POLK: variants seen among roughly 807,000 people sequenced by gnomAD.
POLK encodes the protein DNA polymerase kappa.
Under a neutral mutation model 94.0 loss-of-function variants are expected in POLK, and 76 were observed. The ratio of observed to expected loss-of-function variants is 0.81; its 90% CI spans 0.67 to 0.98. The LOEUF is 0.98. Ranked by LOEUF, POLK falls within the 50% of genes least tolerant of loss-of-function variation. The pLI is 0.00. For synonymous variants in POLK, 349 were observed against 325.4 expected, an observed-to-expected ratio of 1.07 and a Z score of -0.78; for missense variants, 954 against 1,010.1, an observed-to-expected ratio of 0.94 and a Z score of 0.75.
At chr5:75,525,827 T>C (rs572913670) in intron 1 of POLK, among the ~76,000 whole-genome samples, 1 of 152,306 alleles carries the variant, frequency 6.6e-6, no homozygotes, top group African/African-American at 2.4e-5. Context: ...AAAACTGGCA[T>C]CTTAGGTGTA....
At chr5:75,528,777 C>T (rs186224443) in intron 1 of POLK, among the ~76,000 whole-genome samples, 12 of 152,324 alleles carry the variant, frequency 7.9e-5, no homozygotes, top group African/African-American at 2.6e-4. Context: ...TGCTGCCGCA[C>T]TCCAACCTGG....
intron 3 of POLK, among the ~76,000 whole-genome samples, chr5:75,561,333 G>A (rs1422960480): frequency 6.6e-6 from 1 of 152,068 alleles, no homozygotes; most frequent in Non-Finnish European, 1.5e-5. Context: ...CATATCCTTT[G>A]CCTGCTTTTT....
rs148759633 is a variant in POLK, at chr5:75,557,894, A to G, written c.255+5303A>G. The stretch of plus-strand genomic sequence containing the variant: ...ATCTTCCTCTTCCTGGGTTCAAGCA[A>G]TTCTCCTGCCTCCACTTCCTGGTAG... On this transcript the variant is annotated intron_variant, in intron 3 of 14. Coordinates refer to ENST00000241436, the Ensembl canonical transcript of POLK. Among the ~76,000 whole-genome samples, 4 of 152,228 alleles carry G rather than the reference A, an allele frequency of 2.6e-5. No homozygotes were observed. In the East Asian group the frequency reaches 5.8e-4, roughly 22 times the overall value.
At position 75,518,532 on chromosome 5, in the gene POLK, G is replaced by A. The variant is rs185085068; in HGVS notation, c.-14+6618G>A. ...TATTTGAATTTTCTTTCTTTTATTTGTCTAAAGTTTTGTCAATTTCATCTA... is the reference window on the plus strand; with the variant it reads ...TATTTGAATTTTCTTTCTTTTATTTATCTAAAGTTTTGTCAATTTCATCTA... On this transcript the variant is annotated intron_variant, in intron 1 of 14. Coordinates refer to ENST00000241436, the Ensembl canonical transcript of POLK. Among the ~76,000 whole-genome samples, 152 of 151,432 alleles carry A rather than the reference G, an allele frequency of 1.0e-3. 1 individual carries two copies. The highest frequency in any genetic ancestry group is 7.4e-3 in the Admixed American group (113 of 15,202).
chr5:75,511,280 G>C, upstream of POLK: 1 of 1,581,210 alleles, frequency 6.3e-7, no homozygotes, highest in Non-Finnish European at 8.6e-7. Context: ...CCAGTCCTCG[G>C]GGTGAAGGGT....
intron 12 of POLK, among the ~76,000 whole-genome samples, chr5:75,594,822 A>G (rs1772980152): frequency 6.6e-6 from 1 of 152,212 alleles, no homozygotes. Flanking sequence ...CATGTTTCCA[A>G]AGTGTACTGG....
At chr5:75,579,831 G>A (rs1772107025) in intron 6 of POLK, among the ~76,000 whole-genome samples, 1 of 151,778 alleles carries the variant, frequency 6.6e-6, no homozygotes, top group South Asian at 2.1e-4. Flanking sequence ...AGGATCAGTT[G>A]AGGCCAGGAG....
chr5:75,544,035 C>T (rs1356718797), intron 1 of POLK, among the ~76,000 whole-genome samples: 1 of 152,096 alleles, frequency 6.6e-6, no homozygotes, highest in African/African-American at 2.4e-5. Context: ...ATGAGTCTCA[C>T]TGTGTTACCA....
chr5:75,605,267 T>C (rs1302597559), downstream of POLK, among the ~76,000 whole-genome samples: 2 of 152,190 alleles, frequency 1.3e-5, no homozygotes, highest in African/African-American at 4.8e-5. Flanking sequence ...TTGTCTAATA[T>C]CTGGCCTTCT....
intron 2 of POLK, among the ~76,000 whole-genome samples, chr5:75,547,899 TG>T (rs1245453167): frequency 6.6e-6 from 1 of 152,230 alleles, no homozygotes; most frequent in African/African-American, 2.4e-5. Flanking sequence ...AGCATTAATT[TG>T]TATTCCACTT....
At chr5:75,519,666 G>A (rs1213060716) in intron 1 of POLK, among the ~76,000 whole-genome samples, 1 of 152,140 alleles carries the variant, frequency 6.6e-6, no homozygotes, top group Non-Finnish European at 1.5e-5. Flanking sequence ...TTGACTTATA[G>A]TCGTATTTTA....
chr5:75,527,502 T>TACACACACACAC lies in POLK; in HGVS notation c.-14+15616_-14+15627dup, dbSNP rs58797043. The stretch of plus-strand genomic sequence containing the variant: ...CTCAAAAAAAAAAAAAATTTATATA[T>TACACACACACAC]ACACACACACACACACACACACACA... On this transcript the variant is annotated intron_variant, in intron 1 of 14. Transcript: ENST00000241436. 1.6e-3 allele frequency among the ~76,000 whole-genome samples: 214 copies of TACACACACACAC among 133,024 alleles called. 1 individual carries two copies. The highest frequency in any genetic ancestry group is 5.7e-3 in the African/African-American group (199 of 34,870). The allele number at this position is 133,024 out of a possible 152,430, so 87.3% of individuals were successfully genotyped here.
At position 75,580,458 on chromosome 5, in the gene POLK, C is replaced by T. The variant is rs150553779; in HGVS notation, c.695-751C>T. 317 of 161,488 alleles carry T rather than the reference C, an allele frequency of 2.0e-3. 1 individual carries two copies. In the East Asian group the frequency reaches 0.027, roughly 14 times the overall value. The allele number at this position is 161,488 out of a possible 1,614,324, so 10.0% of individuals were successfully genotyped here. A position where few individuals can be genotyped will look rare whatever the true frequency, so the allele number is the denominator to read the frequency against. On this transcript the variant is annotated intron_variant, in intron 6 of 14. Transcript: ENST00000241436. ...TATGAAAAATATAAATATAAAGAGG[C>T]AATAACCAGACTGGTATTTTTACTT... is the stretch of plus-strand genomic sequence containing the variant.
intron 10 of POLK, among the ~76,000 whole-genome samples, chr5:75,589,372 T>C (rs1407130141): frequency 1.5e-5 from 2 of 130,452 alleles, no homozygotes; most frequent in Non-Finnish European, 3.2e-5. Flanking sequence ...TTGCTTATTT[T>C]ATATATATAC....
chr5:75,596,972 G>C, exon 13 of POLK: 1 of 1,613,786 alleles, frequency 6.2e-7, no homozygotes, highest in South Asian at 1.1e-5. Flanking sequence ...GGATCATTTA[G>C]ACAAGAATAC....
intron 3 of POLK, among the ~76,000 whole-genome samples, chr5:75,566,149 G>C (rs1771256095): frequency 6.6e-6 from 1 of 152,216 alleles, no homozygotes; most frequent in Non-Finnish European, 1.5e-5. Flanking sequence ...ACTTCCCACT[G>C]GGTTTGTTTA....
intron 3 of POLK, among the ~76,000 whole-genome samples, chr5:75,566,537 A>T (rs925256490): frequency 6.6e-6 from 1 of 152,186 alleles, no homozygotes; most frequent in Admixed American, 6.5e-5. Context: ...TTGTGAAGAC[A>T]GTGGGAAAAG....
chr5:75,565,701 C>G (rs1771229370), intron 3 of POLK, among the ~76,000 whole-genome samples: 1 of 152,188 alleles, frequency 6.6e-6, no homozygotes, highest in Admixed American at 6.5e-5. Context: ...CTGGGTATCA[C>G]CAGTGGAGGC....
At chr5:75,550,445 G>A (rs950859808) in intron 2 of POLK, among the ~76,000 whole-genome samples, 1 of 152,074 alleles carries the variant, frequency 6.6e-6, no homozygotes, top group Non-Finnish European at 1.5e-5. Context: ...CAGGCGTGGT[G>A]GCATATGCCT....
Sources: gnomAD v4.1 joint callset for allele counts (sites outside exome capture counted in the v4.1 genomes callset) on GRCh38, gnomAD v4.1.1 for gene constraint, MANE v1.5 for transcripts, NCBI Gene and HGNC (gene_info 2026-07-23, HGNC 2026-07-21) for gene names.